The following PCDHGA7 variants were observed in gnomAD, a reference collection of about 807,000 sequenced individuals.
PCDHGA7 encodes the protein protocadherin gamma-A7.
A neutral mutation model predicts 58.3 loss-of-function variants in PCDHGA7; 44 were observed. The observed-to-expected ratio is 0.75, with a 90% CI of 0.59 to 0.97. The LOEUF is 0.97. PCDHGA7 is among the 50% of genes least tolerant of loss of function. The pLI, the probability that PCDHGA7 is intolerant of heterozygous loss-of-function variation, is 0.00. For missense variants in PCDHGA7, 1,266 were observed against 1,188.7 expected (o/e 1.06, Z -0.96); for synonymous variants, 516 against 504.2 (o/e 1.02, Z -0.31).
chr5:141,476,837 G>A lies in PCDHGA7; in HGVS notation c.2425-17970G>A, dbSNP rs1160244271. 4 of 1,613,534 alleles carry A rather than the reference G, an allele frequency of 2.5e-6. No individual in the cohort carries two copies. The highest frequency in any genetic ancestry group is 3.4e-6 in the Non-Finnish European group (4 of 1,180,054). On this transcript the variant is annotated intron_variant, in intron 1 of 3. Coordinates refer to ENST00000518325, the MANE Select transcript of PCDHGA7 (RefSeq NM_018920.4). The surrounding 1 kb of genome is among the most constrained non-coding windows in gnomAD (Gnocchi z 7.6). Reference sequence around the variant, plus strand: ...CAAGGTGCTGGACGCGAATGACAATGCGCCTGTCTTCAACCAGTCCTTGTA... The same window carrying A: ...CAAGGTGCTGGACGCGAATGACAATACGCCTGTCTTCAACCAGTCCTTGTA...
At chr5:141,478,159 T>C (rs1456465606) in intron 1 of PCDHGA7, 2 of 1,614,064 alleles carry the variant, frequency 1.2e-6, no homozygotes, top group Admixed American at 1.7e-5. Flanking sequence ...CCTCTGGCTC[T>C]GCCCCCCGGG....
At chr5:141,408,578 G>A (rs775312574) in intron 1 of PCDHGA7, 3 of 1,613,928 alleles carry the variant, frequency 1.9e-6, no homozygotes, top group African/African-American at 1.3e-5. Flanking sequence ...GATTGAGGAT[G>A]TTAATGACCA....
chr5:141,471,591 A>T (rs925105880), intron 1 of PCDHGA7: 1 of 152,294 alleles, frequency 6.6e-6, no homozygotes, highest in South Asian at 2.1e-4. Context: ...AGTAATTGAT[A>T]GTTTCAAAAT....
At chr5:141,404,347 C>T (rs1451476815) in intron 1 of PCDHGA7, 6 of 1,613,796 alleles carry the variant, frequency 3.7e-6, no homozygotes, top group African/African-American at 2.7e-5. Context: ...CGGAAAACAA[C>T]GCCAGAGGTA....
chr5:141,478,142 G>T (rs774271595), intron 1 of PCDHGA7: 8 of 1,613,988 alleles, frequency 5.0e-6, no homozygotes, highest in Non-Finnish European at 6.8e-6. Flanking sequence ...AGCCCGAGCC[G>T]AGTTCCCCTC....
chr5:141,464,853 C>A (rs1441161135), intron 1 of PCDHGA7, among the ~76,000 whole-genome samples: 1 of 151,778 alleles, frequency 6.6e-6, no homozygotes, highest in East Asian at 1.9e-4. Flanking sequence ...ATCCTCCTAC[C>A]TTAGCCTCCC....
rs137901127 is a variant in PCDHGA7 at position 141,436,420 on chromosome 5, A to G, written c.2424+51097A>G. 1.4e-3 allele frequency among the ~76,000 whole-genome samples: 213 copies of G among 152,326 alleles called. 1 individual carries two copies. The highest frequency in any genetic ancestry group is 4.8e-3 in the African/African-American group (199 of 41,594). ...AGTTGTTGAATGAATGGATAAACAA[A>G]TAATGTACTCTGGGGATTACCTGAT... On this transcript the variant is annotated intron_variant, in intron 1 of 3. Coordinates refer to ENST00000518325, the MANE Select transcript of PCDHGA7 (RefSeq NM_018920.4).
At chr5:141,436,752 A>G (rs2097844842) in intron 1 of PCDHGA7, among the ~76,000 whole-genome samples, 2 of 152,194 alleles carry the variant, frequency 1.3e-5, no homozygotes, top group South Asian at 4.1e-4. Context: ...GCTTCTCCAT[A>G]TGGTATAATG....
At chr5:141,408,177 G>C (rs1359754385) in intron 1 of PCDHGA7, 3 of 1,534,464 alleles carry the variant, frequency 2.0e-6, no homozygotes, top group Non-Finnish European at 2.6e-6. Context: ...GGAAAAGCGG[G>C]GACCCAGCGA....
chr5:141,403,370 G>T (rs752870915), intron 1 of PCDHGA7: 25 of 1,614,064 alleles, frequency 1.5e-5, no homozygotes, highest in Non-Finnish European at 1.9e-5. Flanking sequence ...AAGTCTGGAA[G>T]TAAAAATTAA....
chr5:141,469,618 T>C (rs1284372508), intron 1 of PCDHGA7, among the ~76,000 whole-genome samples: 1 of 152,148 alleles, frequency 6.6e-6, no homozygotes, highest in Non-Finnish European at 1.5e-5. Context: ...ATAAAATAAA[T>C]GTTTGTAGTT....
intron 1 of PCDHGA7, chr5:141,415,646 A>G: frequency 6.2e-7 from 1 of 1,600,190 alleles, no homozygotes; most frequent in South Asian, 1.1e-5. Context: ...TTTGTTAAAA[A>G]AAAAAAGATT....
intron 1 of PCDHGA7, chr5:141,393,946 A>G (rs1417125080): frequency 4.3e-6 from 7 of 1,613,892 alleles, no homozygotes; most frequent in Non-Finnish European, 4.2e-6. Context: ...GACTCTGGAA[A>G]GAATGGTCAA....
chr5:141,436,875 A>C (rs1182313546), intron 1 of PCDHGA7, among the ~76,000 whole-genome samples: 3 of 152,236 alleles, frequency 2.0e-5, no homozygotes, highest in African/African-American at 7.2e-5. Context: ...TTAGGCCATA[A>C]AAGATGGGGG....
chr5:141,439,904 C>T (rs1175032042), intron 1 of PCDHGA7: 2 of 152,364 alleles, frequency 1.3e-5, no homozygotes, highest in East Asian at 1.9e-4. Context: ...GCGACTACTG[C>T]CTCCTTTCCT....
intron 1 of PCDHGA7, chr5:141,478,305 C>T (rs775282798): frequency 2.5e-6 from 4 of 1,614,092 alleles, no homozygotes; most frequent in East Asian, 2.2e-5. Flanking sequence ...TACCGAGCCC[C>T]GGTGAGCTCA....
At position 141,392,979 on chromosome 5, in the gene PCDHGA7, C is replaced by A. The variant is rs1356713892; in HGVS notation, c.2424+7656C>A. 1.9e-6 allele frequency: 3 copies of A among 1,613,718 alleles called. No individual in the cohort carries two copies. In the South Asian group the frequency reaches 3.3e-5, roughly 18 times the overall value. ...TATCTCCAAGGACCTGGGGCTGGACCCCCGGAAGCTGGCGAAGCACGGAGT... is the reference window on the plus strand; with the variant it reads ...TATCTCCAAGGACCTGGGGCTGGACACCCGGAAGCTGGCGAAGCACGGAGT... On this transcript the variant is annotated intron_variant, in intron 1 of 3. Transcript: ENST00000518325.
At chr5:141,399,947 C>G in intron 1 of PCDHGA7, 1 of 1,612,228 alleles carries the variant, frequency 6.2e-7, no homozygotes. Context: ...GTGCTGCAGG[C>G]TAGCGAGCCC....
chr5:141,465,429 A>G (rs1191638112), intron 1 of PCDHGA7, among the ~76,000 whole-genome samples: 2 of 152,316 alleles, frequency 1.3e-5, no homozygotes, highest in East Asian at 3.9e-4. Context: ...AAAGGTGGGC[A>G]CTTAATGATT....
Sources: gnomAD v4.1 joint callset for allele counts (sites outside exome capture counted in the v4.1 genomes callset) on GRCh38, gnomAD v4.1.1 for gene constraint, Gnocchi (gnomAD v3.1) non-coding constraint, MANE v1.5 for transcripts, NCBI Gene and HGNC (gene_info 2026-07-23, HGNC 2026-07-21) for gene names.